CDK14: variants seen among roughly 807,000 people sequenced by gnomAD.
CDK14 encodes cyclin dependent kinase 14, also known as cyclin-dependent kinase 14.
In CDK14, 34 loss-of-function variants were observed where a neutral mutation model predicts 60.7. That is an observed-to-expected ratio of 0.56 (90% confidence interval 0.43 to 0.75). The LOEUF is 0.75. CDK14 is among the 30% of genes least tolerant of loss of function. The pLI, the probability that CDK14 is intolerant of heterozygous loss-of-function variation, is 0.00. For missense variants in CDK14, 482 were observed against 564.1 expected (o/e 0.85, Z 1.47); for synonymous variants, 197 against 203.7 (o/e 0.97, Z 0.28).
intron 2 of CDK14, among the ~76,000 whole-genome samples, chr7:90,675,033 TA>T (rs1157082433): frequency 6.6e-6 from 1 of 152,184 alleles, no homozygotes; most frequent in East Asian, 1.9e-4. Context: ...TATTATGTGG[TA>T]GTTGGCTATA....
chr7:90,844,922 G>A (rs1274409653), intron 5 of CDK14, among the ~76,000 whole-genome samples: 1 of 152,032 alleles, frequency 6.6e-6, no homozygotes, highest in South Asian at 2.1e-4. Flanking sequence ...CTTAGCTCTG[G>A]CTTCATTCTA....
intron 14 of CDK14, among the ~76,000 whole-genome samples, chr7:91,167,986 G>A (rs924635331): frequency 2.0e-5 from 3 of 152,066 alleles, no homozygotes; most frequent in African/African-American, 7.2e-5. Context: ...AATTGGGGCC[G>A]GGCATGTTGG....
chr7:91,127,078 G>A (rs961171387), intron 14 of CDK14, among the ~76,000 whole-genome samples: 1 of 152,096 alleles, frequency 6.6e-6, no homozygotes, highest in African/African-American at 2.4e-5. Context: ...TACAGGATGC[G>A]GGCTTAACTG....
At chr7:91,101,094 A>G (rs985485087) in intron 12 of CDK14, among the ~76,000 whole-genome samples, 1 of 152,360 alleles carries the variant, frequency 6.6e-6, no homozygotes, top group African/African-American at 2.4e-5. Context: ...GAATATAGAA[A>G]GAATAGTCTC....
chr7:90,697,702 C>G (rs562290550), intron 2 of CDK14, among the ~76,000 whole-genome samples: 2 of 152,234 alleles, frequency 1.3e-5, no homozygotes, highest in South Asian at 4.1e-4. Context: ...TTCTGTTACT[C>G]TAATTCTTGT....
chr7:90,717,167 A>T (rs985678371), intron 2 of CDK14, among the ~76,000 whole-genome samples: 1 of 152,110 alleles, frequency 6.6e-6, no homozygotes, highest in Admixed American at 6.6e-5. Context: ...CAAAATGAAG[A>T]AGTATAGGCA....
intron 14 of CDK14, among the ~76,000 whole-genome samples, chr7:91,153,735 T>A (rs1800891494): frequency 6.6e-6 from 1 of 152,058 alleles, no homozygotes. Context: ...TATCAGAGGA[T>A]GGAAGATGGG....
intron 5 of CDK14, among the ~76,000 whole-genome samples, chr7:90,793,326 G>A (rs1408604539): frequency 6.6e-6 from 1 of 152,204 alleles, no homozygotes; most frequent in Non-Finnish European, 1.5e-5. Flanking sequence ...ATATGTGGTA[G>A]CATATTAATG....
rs747439482 is a variant in CDK14 at position 90,874,503 on chromosome 7, C to CTT, written c.639+11269_639+11270dup. 3.4e-3 allele frequency among the ~76,000 whole-genome samples: 161 copies of CTT among 48,006 alleles called. 52 individuals carry two copies. The highest frequency in any genetic ancestry group is 9.8e-3 in the African/African-American group (143 of 14,612). 31.5% of individuals were successfully genotyped at this position (48,006 alleles called of 152,430 possible). A position where few individuals can be genotyped will look rare whatever the true frequency, so the allele number is the denominator to read the frequency against. ...ATCTGGAATCTCATGTCCTTTCATC[C>CTT]TTTTTTTTTTTTTTTTTTTTTTTTT... On this transcript the variant is annotated intron_variant, in intron 6 of 14. Transcript: ENST00000380050.
intron 10 of CDK14, among the ~76,000 whole-genome samples, chr7:91,032,047 G>T (rs1356303501): frequency 6.6e-6 from 1 of 152,158 alleles, no homozygotes; most frequent in Non-Finnish European, 1.5e-5. Flanking sequence ...CCAGACAGCA[G>T]GGGGAAGGGC....
intron 2 of CDK14, among the ~76,000 whole-genome samples, chr7:90,627,104 T>A (rs1799892070): frequency 6.6e-6 from 1 of 152,224 alleles, no homozygotes; most frequent in Admixed American, 6.5e-5. Context: ...ACTCTTATTT[T>A]GTATTGCTTT....
chr7:90,966,763 G>T (rs1350080441), intron 9 of CDK14, among the ~76,000 whole-genome samples: 1 of 152,076 alleles, frequency 6.6e-6, no homozygotes, highest in Admixed American at 6.5e-5. Context: ...TCTATCTCCA[G>T]CTGTCAGACT....
At chr7:91,153,305 T>C (rs1187051683) in intron 14 of CDK14, among the ~76,000 whole-genome samples, 1 of 152,174 alleles carries the variant, frequency 6.6e-6, no homozygotes, top group Non-Finnish European at 1.5e-5. Context: ...TGTAAATTAG[T>C]TCCACCACTG....
intron 13 of CDK14, among the ~76,000 whole-genome samples, chr7:91,114,548 A>G (rs922438588): frequency 6.6e-6 from 1 of 152,194 alleles, no homozygotes; most frequent in Non-Finnish European, 1.5e-5. Flanking sequence ...ACAGCAGGCT[A>G]TTTGCAGAAG....
At chr7:90,759,984 C>A (rs1804251191) in intron 4 of CDK14, among the ~76,000 whole-genome samples, 1 of 152,156 alleles carries the variant, frequency 6.6e-6, no homozygotes, top group Non-Finnish European at 1.5e-5. Flanking sequence ...AAATTGTTAT[C>A]TCAGAGGTCA....
chr7:91,125,401 A>G (rs17163605), intron 14 of CDK14, among the ~76,000 whole-genome samples: 2,076 of 152,314 alleles, frequency 0.014, 43 homozygotes, highest in African/African-American at 0.047. Flanking sequence ...AGTATAATTA[A>G]CAAAAAGTTT....
chr7:90,902,766 G>A (rs1792555904), intron 7 of CDK14, among the ~76,000 whole-genome samples: 1 of 152,012 alleles, frequency 6.6e-6, no homozygotes, highest in Non-Finnish European at 1.5e-5. Context: ...TAAACTAATA[G>A]GCTTCTGCAA....
intron 10 of CDK14, among the ~76,000 whole-genome samples, chr7:90,987,656 T>C (rs1356705407): frequency 6.6e-6 from 1 of 152,078 alleles, no homozygotes; most frequent in Admixed American, 6.6e-5. Flanking sequence ...AAGTAGACTC[T>C]CTCAAGACTG....
At chr7:90,649,354 TTCCTTCCTTCCTTTCC>T (rs1463595939) in intron 2 of CDK14, among the ~76,000 whole-genome samples, 592 of 48,032 alleles carry the variant, frequency 0.012, 31 homozygotes, top group Middle Eastern at 0.054. Context: ...CCTTCCTTCC[TTCCTTCCTTCCTTTCC>T]TTCCTTCCTT....
Sources: allele counts gnomAD v4.1 joint callset (sites outside exome capture counted in the v4.1 genomes callset), GRCh38; gene constraint gnomAD v4.1.1; transcripts MANE v1.5; gene names NCBI Gene and HGNC (gene_info 2026-07-23, HGNC 2026-07-21).